The following GRK7 variants were observed in gnomAD, a reference collection of about 807,000 sequenced individuals.
GRK7 encodes G protein-coupled receptor kinase 7.
GRK7 carries 24 observed loss-of-function variants against 34.1 expected under a neutral mutation model. The observed-to-expected ratio is 0.70, with a 90% confidence interval of 0.51 to 0.99. The LOEUF is 0.99. GRK7 is among the 50% of genes least tolerant of loss of function. GRK7 has a pLI of 0.00. For synonymous variants in GRK7, 256 were observed against 279.4 expected, an observed-to-expected ratio of 0.92 and a Z score of 0.84; for missense variants, 644 against 707.3, an observed-to-expected ratio of 0.91 and a Z score of 1.02.
intron 4 of GRK7, among the ~76,000 whole-genome samples, chr3:141,795,208 T>C (rs754258432): frequency 6.6e-6 from 1 of 152,166 alleles, no homozygotes; most frequent in Admixed American, 6.5e-5. Flanking sequence ...CAGAGCTCAA[T>C]AGTCCTCAAT....
chr3:141,815,027 C>T (rs996788685), intron 5 of GRK7, among the ~76,000 whole-genome samples: 3 of 150,176 alleles, frequency 2.0e-5, no homozygotes, highest in African/African-American at 4.9e-5. Context: ...TGGGTTCAAG[C>T]AATTCTCTTG....
At chr3:141,754,528 C>T in the GRK7 span, among the ~76,000 whole-genome samples, 3 of 150,594 alleles carry the variant, frequency 2.0e-5, no homozygotes, top group East Asian at 5.9e-4. Flanking sequence ...TCCACCTCTA[C>T]CTCCTGGGTT....
intron 3 of GRK7, among the ~76,000 whole-genome samples, chr3:141,779,777 T>C (rs150176084): frequency 3.9e-5 from 6 of 152,360 alleles, no homozygotes; most frequent in Admixed American, 6.5e-5. Context: ...ATATGTGACC[T>C]TTTGTGTCTG....
intron 2 of GRK7, among the ~76,000 whole-genome samples, chr3:141,776,827 A>G (rs909245450): frequency 6.6e-6 from 1 of 152,004 alleles, no homozygotes; most frequent in African/African-American, 2.4e-5. Flanking sequence ...GCTTGTAAAC[A>G]CTTTGGCATA....
chr3:141,759,102 CAG>C (rs1267101465), upstream of GRK7, among the ~76,000 whole-genome samples: 825 of 144,058 alleles, frequency 5.7e-3, 1 homozygote, highest in African/African-American at 0.02. Flanking sequence ...CGTCTGCAAA[CAG>C]GGACAATTTG....
Position 141,774,620 on chromosome 3 carries a change from C to T in GRK7, c.-174C>T, listed in dbSNP as rs537663517. Among the ~76,000 whole-genome samples, 30 of 152,064 alleles carry T rather than the reference C, an allele frequency of 2.0e-4. No individual in the cohort carries two copies. The highest frequency in any genetic ancestry group is 6.8e-3 in the Middle Eastern group (2 of 294). On this transcript the variant is annotated 5_prime_UTR_variant, in exon 2 of 6. The change creates a new upstream start codon in the 5' untranslated region. Coordinates refer to ENST00000682958, the MANE Select transcript of GRK7 (RefSeq NM_139209.3). Reference sequence around the variant, plus strand: ...GCTGCCACCACATTCCTAAGAACCACGGGAAAAGGCATTTGCTCCTCCGAA... The same window carrying T: ...GCTGCCACCACATTCCTAAGAACCATGGGAAAAGGCATTTGCTCCTCCGAA...
intron 3 of GRK7, among the ~76,000 whole-genome samples, chr3:141,779,409 CAA>C (rs10626329): frequency 2.8e-4 from 27 of 96,500 alleles, no homozygotes; most frequent in South Asian, 1.2e-3. Flanking sequence ...GAGCAAGACT[CAA>C]AAAAAAAAAA....
intron 4 of GRK7, among the ~76,000 whole-genome samples, chr3:141,781,502 A>T (rs1342681995): frequency 6.6e-6 from 1 of 150,602 alleles, no homozygotes. Context: ...ATGCCACTGC[A>T]CTCCAGCCTG....
intron 5 of GRK7, among the ~76,000 whole-genome samples, chr3:141,814,178 T>G (rs1271265515): frequency 2.0e-5 from 3 of 152,138 alleles, no homozygotes; most frequent in Non-Finnish European, 4.4e-5. Flanking sequence ...CTAATTGAGG[T>G]TGACTTATGG....
chr3:141,776,787 T>TC (rs2084641742), intron 2 of GRK7, among the ~76,000 whole-genome samples: 1 of 151,288 alleles, frequency 6.6e-6, no homozygotes, highest in South Asian at 2.1e-4. Flanking sequence ...CCAGCTTTTT[T>TC]CCCCCTCCTT....
intron 3 of GRK7, among the ~76,000 whole-genome samples, chr3:141,779,125 G>A (rs2084657941): frequency 1.3e-5 from 2 of 152,168 alleles, no homozygotes; most frequent in African/African-American, 2.4e-5. Context: ...CCAAGACTCT[G>A]TCATGGGTCT....
At chr3:141,806,549 C>T (rs9819437) in intron 4 of GRK7, among the ~76,000 whole-genome samples, 70,299 of 151,480 alleles carry the variant, frequency 0.46, 17,716 homozygotes, top group Middle Eastern at 0.63. Flanking sequence ...GGTGACACAA[C>T]GATACTCCAT....
At chr3:141,808,930 C>T (rs1223990398) in intron 5 of GRK7, among the ~76,000 whole-genome samples, 1 of 151,830 alleles carries the variant, frequency 6.6e-6, no homozygotes, top group East Asian at 1.9e-4. Flanking sequence ...CACTGTGAGC[C>T]AGGCATGGTG....
intron 1 of GRK7, among the ~76,000 whole-genome samples, chr3:141,767,987 A>C (rs2107871168): frequency 6.6e-6 from 1 of 152,332 alleles, no homozygotes; most frequent in South Asian, 2.1e-4. Context: ...ATTATTGGAT[A>C]ATTGGAGTTA....
chr3:141,801,046 C>G (rs547525855), intron 4 of GRK7, among the ~76,000 whole-genome samples: 1 of 152,100 alleles, frequency 6.6e-6, no homozygotes, highest in Non-Finnish European at 1.5e-5. Flanking sequence ...TGCAGTGGCT[C>G]ACACCTGTAA....
chr3:141,783,720 G>T (rs1022460292), intron 4 of GRK7, among the ~76,000 whole-genome samples: 2 of 152,128 alleles, frequency 1.3e-5, no homozygotes, highest in African/African-American at 4.8e-5. Flanking sequence ...GATGGGGAGG[G>T]CAGAGCGGGT....
chr3:141,751,601 T>C, the GRK7 span, among the ~76,000 whole-genome samples: 1 of 152,226 alleles, frequency 6.6e-6, no homozygotes, highest in Non-Finnish European at 1.5e-5. Context: ...GTGGTATGTG[T>C]GGGGTATGGG....
upstream of GRK7, among the ~76,000 whole-genome samples, chr3:141,762,789 G>A (rs2084561897): frequency 6.6e-6 from 1 of 152,142 alleles, no homozygotes; most frequent in South Asian, 2.1e-4. Flanking sequence ...GATTCCGTGG[G>A]GTAGGACCCT....
chr3:141,787,872 T>C (rs1284373345), intron 4 of GRK7, among the ~76,000 whole-genome samples: 1 of 148,686 alleles, frequency 6.7e-6, no homozygotes, highest in Non-Finnish European at 1.5e-5. Flanking sequence ...TACCTGGGCA[T>C]GATGGTATGC....
Sources: gnomAD v4.1 joint callset for allele counts (sites outside exome capture counted in the v4.1 genomes callset) on GRCh38, gnomAD v4.1.1 for gene constraint, MANE v1.5 for transcripts, NCBI Gene and HGNC (gene_info 2026-07-23, HGNC 2026-07-21) for gene names.